PCDH15: variants seen among roughly 807,000 people sequenced by gnomAD.
PCDH15 encodes the protein protocadherin-15.
In PCDH15, 129 loss-of-function variants were observed where a neutral mutation model predicts 178.5. The observed-to-expected ratio is 0.72, with a 90% CI of 0.63 to 0.84. The LOEUF is 0.84. PCDH15 is among the 40% of genes least tolerant of loss of function. The pLI is 0.00. For missense variants in PCDH15, 2,230 were observed against 2,099.9 expected (o/e 1.06, Z -1.21); for synonymous variants, 800 against 732.0 (o/e 1.09, Z -1.50).
At chr10:55,592,866 T>A (rs755979205) in intron 2 of PCDH15, among the ~76,000 whole-genome samples, 1 of 152,096 alleles carries the variant, frequency 6.6e-6, no homozygotes, top group Non-Finnish European at 1.5e-5. Flanking sequence ...ATATATTTGA[T>A]ACAAATTATA....
Position 55,254,328 on chromosome 10 carries a change from T to C in PCDH15, c.-156+65271A>G, listed in dbSNP as rs1244677622. Among the ~76,000 whole-genome samples, 39 of 152,150 alleles carry C rather than the reference T, an allele frequency of 2.6e-4. 1 individual carries two copies. The highest frequency in any genetic ancestry group is 2.6e-3 in the Admixed American group (39 of 15,272). Reference sequence around the variant, plus strand: ...TGTGGTTATGGTTATAAAATGGATGTCTCTTTTGAGTGAGGGTTTTGGAAG... The same window carrying C: ...TGTGGTTATGGTTATAAAATGGATGCCTCTTTTGAGTGAGGGTTTTGGAAG... On this transcript the variant is annotated intron_variant, in intron 1 of 5. Coordinates refer to the PCDH15 transcript ENST00000458638.
chr10:54,233,711 G>A (rs1402159556), intron 9 of PCDH15, among the ~76,000 whole-genome samples: 1 of 152,218 alleles, frequency 6.6e-6, no homozygotes, highest in Non-Finnish European at 1.5e-5. Context: ...AGGTTAGTCA[G>A]AGATGAGAGC....
chr10:54,540,542 A>T (rs1378459847), intron 2 of PCDH15, among the ~76,000 whole-genome samples: 1 of 152,038 alleles, frequency 6.6e-6, no homozygotes. Context: ...CAAAAGCCCC[A>T]CACCAGATGA....
chr10:55,571,342 T>C (rs1842404783), intron 2 of PCDH15, among the ~76,000 whole-genome samples: 1 of 152,110 alleles, frequency 6.6e-6, no homozygotes, highest in Non-Finnish European at 1.5e-5. Flanking sequence ...CTTTATAAAT[T>C]ATGCAGTCTC....
chr10:54,502,412 C>T (rs1415161193), intron 3 of PCDH15, among the ~76,000 whole-genome samples: 1 of 152,040 alleles, frequency 6.6e-6, no homozygotes, highest in African/African-American at 2.4e-5. Context: ...CTTAAATAGG[C>T]CAAACTTTCT....
intron 13 of PCDH15, among the ~76,000 whole-genome samples, chr10:54,155,776 A>G (rs1465066650): frequency 2.0e-5 from 3 of 150,950 alleles, no homozygotes; most frequent in Non-Finnish European, 4.4e-5. Context: ...CAGCCTGGCA[A>G]CAGAGTGAGA....
chr10:54,941,552 A>G (rs746549708), intron 2 of PCDH15, among the ~76,000 whole-genome samples: 28 of 152,102 alleles, frequency 1.8e-4, no homozygotes, highest in African/African-American at 2.4e-5. Context: ...TAGAATAGAT[A>G]CTTTGAAGAT....
At chr10:53,948,320 AT>A (rs35867768) in intron 23 of PCDH15, among the ~76,000 whole-genome samples, 5 of 151,152 alleles carry the variant, frequency 3.3e-5, no homozygotes, top group South Asian at 2.1e-4. Flanking sequence ...AAAATTTACA[AT>A]TTTTTTTTAG....
chr10:54,868,519 T>C (rs560260671), intron 3 of PCDH15, among the ~76,000 whole-genome samples: 1 of 152,274 alleles, frequency 6.6e-6, no homozygotes, highest in Non-Finnish European at 1.5e-5. Flanking sequence ...GTTAAAACTC[T>C]AGGTGCTTCA....
Position 53,806,823 on chromosome 10 carries a change from G to GA in PCDH15, c.4978dup (p.Ser1660PhefsTer3), listed in dbSNP as rs570460962. On this transcript the variant is annotated frameshift_variant, in exon 38 of 38. Transcript: ENST00000644397. LOFTEE classifies it high-confidence loss of function. ...TGGTCTTGCATTCATTTTTTCAGTA[G>GA]AAAATGGCCCCTTTGATAATGTGTT... 1.2e-4 allele frequency: 193 copies of GA among 1,613,724 alleles called. 5 individuals are homozygous for GA. The South Asian group carries it at 1.7e-3, about 14-fold the overall frequency.
intron 13 of PCDH15, among the ~76,000 whole-genome samples, chr10:54,161,718 C>T (rs1017130475): frequency 6.6e-6 from 1 of 151,900 alleles, no homozygotes. Flanking sequence ...ATAACTGTAT[C>T]CAGAAAATGA....
At chr10:55,224,714 CCA>C (rs560860256) in intron 1 of PCDH15, among the ~76,000 whole-genome samples, 5 of 152,168 alleles carry the variant, frequency 3.3e-5, no homozygotes, top group Admixed American at 3.3e-4. Flanking sequence ...GCTTAATCTT[CCA>C]CTTGCACATA....
chr10:54,458,643 T>C (rs970074793), intron 3 of PCDH15, among the ~76,000 whole-genome samples: 2 of 152,170 alleles, frequency 1.3e-5, no homozygotes, highest in Non-Finnish European at 2.9e-5. Flanking sequence ...TTTTTAGTTA[T>C]ATATTTACTT....
intron 25 of PCDH15, among the ~76,000 whole-genome samples, chr10:53,922,545 G>A (rs1332890941): frequency 1.3e-5 from 2 of 152,088 alleles, no homozygotes; most frequent in Admixed American, 6.6e-5. Flanking sequence ...CAATTTTTAT[G>A]TATCTACTTT....
intron 2 of PCDH15, among the ~76,000 whole-genome samples, chr10:55,341,574 C>CTT (rs60297759): frequency 7.3e-6 from 1 of 137,224 alleles, no homozygotes. Flanking sequence ...GATTAGCATC[C>CTT]TTTTTTTTTT....
chr10:55,047,500 T>C (rs1841040931), intron 2 of PCDH15, among the ~76,000 whole-genome samples: 1 of 151,862 alleles, frequency 6.6e-6, no homozygotes, highest in Non-Finnish European at 1.5e-5. Context: ...AAGTAACTTC[T>C]ACTTTTGAAG....
chr10:55,360,178 C>T (rs1420745213), intron 2 of PCDH15, among the ~76,000 whole-genome samples: 1 of 151,700 alleles, frequency 6.6e-6, no homozygotes, highest in Non-Finnish European at 1.5e-5. Flanking sequence ...TATGTCATTC[C>T]AAAATGTATT....
intron 8 of PCDH15, among the ~76,000 whole-genome samples, chr10:54,243,291 C>T (rs1030745515): frequency 5.9e-5 from 9 of 152,122 alleles, no homozygotes; most frequent in Non-Finnish European, 1.2e-4. Context: ...GGGCAGATCA[C>T]GAGGTCAGGG....
intron 1 of PCDH15, among the ~76,000 whole-genome samples, chr10:54,690,051 T>C (rs1331443792): frequency 6.6e-6 from 1 of 152,126 alleles, no homozygotes; most frequent in Non-Finnish European, 1.5e-5. Context: ...CTTAACAATG[T>C]TTCTGTTAAT....
Sources: gnomAD v4.1 joint callset for allele counts (sites outside exome capture counted in the v4.1 genomes callset) on GRCh38, gnomAD v4.1.1 for gene constraint, MANE v1.5 for transcripts, NCBI Gene and HGNC (gene_info 2026-07-23, HGNC 2026-07-21) for gene names.